The following TMIE variants were observed in gnomAD, a reference collection of about 807,000 sequenced individuals.
TMIE encodes the protein transmembrane inner ear, also known as transmembrane inner ear expressed protein.
TMIE carries 14 observed loss-of-function variants against 16.8 expected under a neutral mutation model. The ratio of observed to expected loss-of-function variants is 0.83; its 90% CI spans 0.55 to 1.30. The LOEUF is 1.30. TMIE is among the 50% of genes most tolerant of loss of function. The pLI is 0.00. For synonymous variants in TMIE, 75 were observed against 87.2 expected (o/e 0.86, Z 0.78); for missense variants, 204 against 205.9 (o/e 0.99, Z 0.06).
Position 46,701,603 on chromosome 3 carries a change from C to A in TMIE, c.93+23C>A. 2 of 1,275,954 alleles carry A rather than the reference C, an allele frequency of 1.6e-6. No homozygotes were observed. The highest frequency in any genetic ancestry group is 2.0e-6 in the Non-Finnish European group (2 of 1,014,204). The allele number at this position is 1,275,954 out of a possible 1,614,324, so 79.0% of individuals were successfully genotyped here. A position where few individuals can be genotyped will look rare whatever the true frequency, so the allele number is the denominator to read the frequency against. On this transcript the variant is annotated intron_variant, in intron 1 of 3. Coordinates refer to ENST00000643606, the MANE Select transcript of TMIE (RefSeq NM_147196.3). The surrounding 1 kb of genome is among the most constrained non-coding windows in gnomAD (Gnocchi z 4.3). ...GAGGTGAGGCCGCGGCACGGAGGGA[C>A]TGGGGAGGCTGTCACCCTCCAGGCA... is the stretch of plus-strand genomic sequence containing the variant.
At chr3:46,703,599 C>T (rs1006143674) in intron 1 of TMIE, among the ~76,000 whole-genome samples, 25 of 152,180 alleles carry the variant, frequency 1.6e-4, no homozygotes, top group African/African-American at 6.0e-4. Context: ...ACACATATAT[C>T]CAGGGGAAAG....
rs888974158 is a variant in TMIE at position 46,701,554 on chromosome 3, G to A, written c.67G>A (p.Ala23Thr). 2.3e-6 allele frequency: 3 copies of A among 1,288,290 alleles called. No homozygotes were observed. In the African/African-American group the frequency reaches 4.6e-5, roughly 20 times the overall value. 79.8% of individuals were successfully genotyped at this position (1,288,290 alleles called of 1,614,324 possible). ...CGGCGCCGCACTCGGGGTGTGCCTC[G>A]CGGGGGTTGCCGGGCAGCTGGTGGA... ...LGGAALGVCL[A>T]GVAGQLVEPS... Residue 23 changes from alanine (A) to threonine (T), a missense_variant, in exon 1 of 4, where the codon GCG becomes ACG. Coordinates refer to ENST00000643606, the MANE Select transcript of TMIE (RefSeq NM_147196.3). The surrounding 1 kb of genome is among the most constrained non-coding windows in gnomAD (Gnocchi z 4.3).
At position 46,709,644 on chromosome 3, in the gene TMIE, G is replaced by A; in HGVS notation, c.427G>A (p.Glu143Lys). The A allele has an allele frequency of 2.5e-6, 4 of 1,613,986 alleles. No homozygotes were observed. Among genetic ancestry groups the A allele is most frequent in the Non-Finnish European group, 3.4e-6 (4 of 1,179,966 alleles). The stretch of plus-strand genomic sequence containing the variant: ...GGACACAGTGGCCATCAAAGTAGAG[G>A]AGGATGAGAAGAATGAGGCCAAGAA... ...SVDTVAIKVE[E>K]DEKNEAKKKK... The change falls in exon 4 of 4, where the codon GAG (glutamate) becomes AAG (lysine). Residue 143 changes from glutamate (E) to lysine (K), a missense_variant. Glu to Lys is a moderately conservative substitution (Grantham distance 56). Coordinates refer to ENST00000643606, the MANE Select transcript of TMIE (RefSeq NM_147196.3).
chr3:46,709,360 C>A, intron 3 of TMIE, 85 bp downstream of exon 3: 4 of 1,607,594 alleles, frequency 2.5e-6, no homozygotes. Flanking sequence ...TCTGCTCCAA[C>A]CAAAGCAGGT....
At chr3:46,703,656 G>T (rs1700505859) in intron 1 of TMIE, among the ~76,000 whole-genome samples, 1 of 152,212 alleles carries the variant, frequency 6.6e-6, no homozygotes, top group South Asian at 2.1e-4. Flanking sequence ...CTGGCAGGGA[G>T]AAAAGAGCCT....
intron 2 of TMIE, among the ~76,000 whole-genome samples, chr3:46,708,128 T>G (rs752370512): frequency 1.3e-5 from 2 of 152,176 alleles, no homozygotes; most frequent in Non-Finnish European, 2.9e-5. Context: ...ATCATCCCAT[T>G]CATTCATTCA....
intron 3 of TMIE, 95 bp from the exon 4 acceptor site, chr3:46,709,484 A>C: frequency 6.2e-7 from 1 of 1,611,616 alleles, no homozygotes; most frequent in Non-Finnish European, 8.5e-7. Context: ...AAAAAGGCAG[A>C]GTGTAGGAGG....
In TMIE at chr3:46,709,266, G is replaced by T; in HGVS notation, c.352G>T (p.Val118Phe). ...GCCACCCCTCAATGAGCTCACAGAA[G>T]TCCCAGGAGGTGAGTTGGCCCTGGC... ...TVPPLNELTE[V>F]PGEDKKKKKK... is the part of the protein sequence containing the mutation. Residue 118 changes from valine (V) to phenylalanine (F), a missense_variant, in exon 3 of 4, where the codon GTC (valine) becomes TTC (phenylalanine). Physicochemically the swap from Val to Phe is conservative, Grantham distance 50 (BLOSUM62 -1). Transcript: ENST00000643606. 1 of 1,614,068 alleles carries T rather than the reference G, an allele frequency of 6.2e-7. No homozygotes were observed. Among genetic ancestry groups the T allele is most frequent in the Non-Finnish European group, 8.5e-7 (1 of 1,180,026 alleles).
chr3:46,700,748 G>A (rs140527990), upstream of TMIE, among the ~76,000 whole-genome samples: 15 of 152,298 alleles, frequency 9.8e-5, no homozygotes, highest in African/African-American at 3.1e-4. Context: ...TTAGACTGAA[G>A]TCAGAGTCAG....
intron 1 of TMIE, among the ~76,000 whole-genome samples, chr3:46,704,503 CGTGTCCCCT>C (rs1700522185): frequency 2.4e-4 from 30 of 125,902 alleles, no homozygotes; most frequent in South Asian, 3.1e-4. Context: ...AGGGCAGGAC[CGTGTCCCCT>C]AGACGCCCAG....
intron 1 of TMIE, among the ~76,000 whole-genome samples, chr3:46,704,639 C>T (rs1700525504): frequency 6.9e-6 from 1 of 144,958 alleles, no homozygotes. Context: ...CCAGGGTGGA[C>T]CATGTCCCCT....
chr3:46,699,197 C>T (rs528378079), upstream of TMIE, among the ~76,000 whole-genome samples: 10 of 151,636 alleles, frequency 6.6e-5, no homozygotes, highest in South Asian at 1.9e-3. Context: ...CTCAGCCTCA[C>T]GAGTAGCTGG....
upstream of TMIE, among the ~76,000 whole-genome samples, chr3:46,697,262 C>A (rs575533439): frequency 3.3e-5 from 5 of 152,320 alleles, no homozygotes; most frequent in South Asian, 1.0e-3. Context: ...TCTCTCTGAC[C>A]TTCTCCTGCT....
rs755515542 is a variant in TMIE, at chr3:46,709,278, G to A, written c.361+3G>A. 2.5e-6 allele frequency: 4 copies of A among 1,614,000 alleles called. No individual in the cohort carries two copies. The East Asian group carries it at 8.9e-5, about 36-fold the overall frequency. Reference sequence around the variant, plus strand: ...TGAGCTCACAGAAGTCCCAGGAGGTGAGTTGGCCCTGGCTTGAGCCCTGCT... The same window carrying A: ...TGAGCTCACAGAAGTCCCAGGAGGTAAGTTGGCCCTGGCTTGAGCCCTGCT... On this transcript the variant is annotated splice_donor_region_variant and intron_variant, in intron 3 of 3. Transcript: ENST00000643606.
chr3:46,703,655 A>T (rs1700505823), intron 1 of TMIE, among the ~76,000 whole-genome samples: 1 of 152,186 alleles, frequency 6.6e-6, no homozygotes, highest in Admixed American at 6.5e-5. Flanking sequence ...CCTGGCAGGG[A>T]GAAAAGAGCC....
At chr3:46,707,782 C>G (rs987777298) in intron 2 of TMIE, among the ~76,000 whole-genome samples, 1 of 152,182 alleles carries the variant, frequency 6.6e-6, no homozygotes, top group African/African-American at 2.4e-5. Flanking sequence ...TTAGGAAGCC[C>G]CAGCCTCCCG....
At chr3:46,699,228 T>A (rs1051554106), upstream of TMIE, among the ~76,000 whole-genome samples, 15 of 152,134 alleles carry the variant, frequency 9.9e-5, no homozygotes, top group African/African-American at 3.1e-4. Flanking sequence ...ATGTGCCACC[T>A]CACCCAGCTA....
At chr3:46,699,118 G>A (rs1215394621), upstream of TMIE, among the ~76,000 whole-genome samples, 2 of 129,992 alleles carry the variant, frequency 1.5e-5, no homozygotes, top group African/African-American at 5.7e-5. Flanking sequence ...TGCTGCCCAG[G>A]CTGGAGTGCA....
chr3:46,707,948 C>A (rs1267928453), intron 2 of TMIE, among the ~76,000 whole-genome samples: 1 of 152,196 alleles, frequency 6.6e-6, no homozygotes. Context: ...AAATCCAGGA[C>A]CCAGCTTCTT....
Sources: allele counts gnomAD v4.1 joint callset (sites outside exome capture counted in the v4.1 genomes callset), GRCh38; gene constraint gnomAD v4.1.1; non-coding constraint Gnocchi (gnomAD v3.1); transcripts MANE v1.5; gene names NCBI Gene and HGNC (gene_info 2026-07-23, HGNC 2026-07-21).